CFAP299: variants seen among roughly 807,000 people sequenced by gnomAD.
CFAP299 encodes cilia and flagella associated protein 299, also known as cilia- and flagella-associated protein 299.
In CFAP299, 21 loss-of-function variants were observed where a neutral mutation model predicts 27.0. The observed-to-expected ratio is 0.78, with a 90% CI of 0.55 to 1.12. The LOEUF (loss-of-function observed/expected upper bound fraction) is 1.12. Ranked by LOEUF, CFAP299 falls within the 50% of genes most tolerant of loss-of-function variation. The probability of loss-of-function intolerance (pLI) is 0.00; values close to 1 mark genes in which losing one functional copy is unlikely to be tolerated. For synonymous variants in CFAP299, 104 were observed against 98.1 expected, an observed-to-expected ratio of 1.06 and a Z score of -0.36; for missense variants, 310 against 276.6, an observed-to-expected ratio of 1.12 and a Z score of -0.86.
intron 1 of CFAP299, among the ~76,000 whole-genome samples, chr4:80,357,386 T>G (rs1299830572): frequency 6.6e-6 from 1 of 152,188 alleles, no homozygotes; most frequent in Non-Finnish European, 1.5e-5. Context: ...CCTCTTCAAT[T>G]TTTTGGAATA....
intron 4 of CFAP299, among the ~76,000 whole-genome samples, chr4:80,909,017 G>C (rs1735328106): frequency 1.3e-5 from 2 of 152,028 alleles, no homozygotes; most frequent in African/African-American, 4.8e-5. Flanking sequence ...CCAAACCTGT[G>C]GAAAGTCTCT....
Position 80,538,118 on chromosome 4 carries a change from A to G in CFAP299, c.243-44975A>G, listed in dbSNP as rs553800894. Among the ~76,000 whole-genome samples, 92 of 152,220 alleles carry G rather than the reference A, an allele frequency of 6.0e-4. 1 individual carries two copies. The highest frequency in any genetic ancestry group is 2.0e-3 in the African/African-American group (85 of 41,554). ...ACATCGTAGCTATTGTAACATAGCT[A>G]TTGTAACATTGCAGCATTACTCAGG... On this transcript the variant is annotated intron_variant, in intron 2 of 5. Coordinates refer to ENST00000358105, the MANE Select transcript of CFAP299 (RefSeq NM_152770.3).
intron 3 of CFAP299, among the ~76,000 whole-genome samples, chr4:80,663,537 G>C (rs1010898643): frequency 6.6e-6 from 1 of 152,114 alleles, no homozygotes; most frequent in Non-Finnish European, 1.5e-5. Context: ...GTCTATCATT[G>C]ATGGACATTT....
At chr4:80,926,335 G>T (rs534220551) in intron 4 of CFAP299, among the ~76,000 whole-genome samples, 14 of 151,988 alleles carry the variant, frequency 9.2e-5, no homozygotes, top group South Asian at 2.1e-4. Flanking sequence ...CTGTAAGCAG[G>T]GATATAATAT....
chr4:80,902,584 T>TACACACACACACACACACAC (rs1273685186), intron 4 of CFAP299, among the ~76,000 whole-genome samples: 1 of 47,108 alleles, frequency 2.1e-5, no homozygotes, highest in Non-Finnish European at 5.3e-5. Context: ...ATATGTAATA[T>TACACACACACACACACACAC]ATACACACAC....
At chr4:80,743,000 G>C (rs1724365974) in intron 3 of CFAP299, among the ~76,000 whole-genome samples, 1 of 152,148 alleles carries the variant, frequency 6.6e-6, no homozygotes, top group Non-Finnish European at 1.5e-5. Flanking sequence ...ACAGGACTGT[G>C]TATGCAAAAA....
At position 80,799,797 on chromosome 4, in the gene CFAP299, TA is replaced by T. The variant is rs1308842543; in HGVS notation, c.334-70195del. 6.6e-5 allele frequency among the ~76,000 whole-genome samples: 2 copies of T among 30,180 alleles called. 1 individual carries two copies. The highest frequency in any genetic ancestry group is 4.5e-4 in the African/African-American group (2 of 4,462). The allele number at this position is 30,180 out of a possible 152,430, so 19.8% of individuals were successfully genotyped here. A position where few individuals can be genotyped will look rare whatever the true frequency, so the allele number is the denominator to read the frequency against. On this transcript the variant is annotated intron_variant, in intron 3 of 5. Transcript: ENST00000358105. Reference sequence around the variant, plus strand: ...ATGATATATATATTATATATTATATTATATAATATATAAATATATATATTAT... The same window carrying T: ...ATGATATATATATTATATATTATATTTATAATATATAAATATATATATTAT...
At chr4:80,602,985 T>A (rs1737439747) in intron 3 of CFAP299, among the ~76,000 whole-genome samples, 1 of 152,130 alleles carries the variant, frequency 6.6e-6, no homozygotes, top group Non-Finnish European at 1.5e-5. Context: ...GTATTTGCAC[T>A]ATGAGGTGCT....
chr4:80,541,477 T>A (rs1234736971), intron 2 of CFAP299, among the ~76,000 whole-genome samples: 1 of 152,238 alleles, frequency 6.6e-6, no homozygotes, highest in Non-Finnish European at 1.5e-5. Context: ...TATATAGGAT[T>A]ATTTGGTACT....
intron 3 of CFAP299, among the ~76,000 whole-genome samples, chr4:80,767,812 G>A (rs2110081910): frequency 1.3e-5 from 2 of 152,134 alleles, no homozygotes; most frequent in Admixed American, 1.3e-4. Flanking sequence ...ATTATTGGAT[G>A]ACTTTCATTC....
At chr4:80,858,014 T>G (rs1167315702) in intron 3 of CFAP299, among the ~76,000 whole-genome samples, 1 of 152,148 alleles carries the variant, frequency 6.6e-6, no homozygotes, top group East Asian at 1.9e-4. Context: ...CTGGTAGAAT[T>G]CGGCTGTGAA....
intron 5 of CFAP299, among the ~76,000 whole-genome samples, chr4:80,958,035 C>G (rs1738153480): frequency 6.6e-6 from 1 of 152,130 alleles, no homozygotes. Flanking sequence ...TCAAATTGGA[C>G]TTTTAAGGCC....
At chr4:80,642,193 A>G (rs997764711) in intron 3 of CFAP299, among the ~76,000 whole-genome samples, 2 of 152,178 alleles carry the variant, frequency 1.3e-5, no homozygotes, top group Non-Finnish European at 2.9e-5. Context: ...GTGTAAAGCT[A>G]TGGAAGGATA....
the CFAP299 span, among the ~76,000 whole-genome samples, chr4:80,327,285 A>G: frequency 0.087 from 13,296 of 152,190 alleles, 851 homozygotes; most frequent in Non-Finnish European, 0.14. Flanking sequence ...GACCAAGCAT[A>G]ATAGATTCTG....
At chr4:80,452,133 G>A (rs1324799571) in intron 2 of CFAP299, among the ~76,000 whole-genome samples, 2 of 152,120 alleles carry the variant, frequency 1.3e-5, no homozygotes, top group African/African-American at 2.4e-5. Context: ...CTGGAGGCAG[G>A]GAAGCCTGAC....
rs558121207 is a variant in CFAP299, at chr4:80,441,773, G to A, written c.242+78889G>A. The stretch of plus-strand genomic sequence containing the variant: ...GACACAGACTGGCAAGTTGGATAAA[G>A]AGTCAAGACCCATCAGTGTGCTTGT... On this transcript the variant is annotated intron_variant, in intron 2 of 5. Transcript: ENST00000358105. 2.6e-5 allele frequency among the ~76,000 whole-genome samples: 4 copies of A among 152,296 alleles called. No individual in the cohort carries two copies. In the South Asian group the frequency reaches 8.3e-4, roughly 32 times the overall value.
chr4:80,564,012 A>G (rs1315133854), intron 2 of CFAP299, among the ~76,000 whole-genome samples: 2 of 152,082 alleles, frequency 1.3e-5, no homozygotes, highest in Non-Finnish European at 2.9e-5. Flanking sequence ...GAACAGATCA[A>G]TAAGTAATGA....
At chr4:80,362,515 C>CT (rs1723599754) in intron 1 of CFAP299, among the ~76,000 whole-genome samples, 1 of 43,444 alleles carries the variant, frequency 2.3e-5, no homozygotes. Flanking sequence ...TAGCAATTGA[C>CT]ATTTTTTTTT....
chr4:80,581,484 A>ATATATT (rs1395658785), intron 2 of CFAP299, among the ~76,000 whole-genome samples: 1 of 120,788 alleles, frequency 8.3e-6, no homozygotes, highest in Non-Finnish European at 1.8e-5. Flanking sequence ...ATATATATAT[A>ATATATT]TATATGACAA....
Sources: gnomAD v4.1 joint callset for allele counts (sites outside exome capture counted in the v4.1 genomes callset) on GRCh38, gnomAD v4.1.1 for gene constraint, MANE v1.5 for transcripts, NCBI Gene and HGNC (gene_info 2026-07-23, HGNC 2026-07-21) for gene names.